Variants in SESN1 observed in about 807,000 individuals in gnomAD.
SESN1 encodes sestrin 1.
Under a neutral mutation model 59.3 loss-of-function variants are expected in SESN1, and 30 were observed. The observed-to-expected ratio is 0.51, with a 90% CI of 0.38 to 0.69. The LOEUF (loss-of-function observed/expected upper bound fraction) is 0.69. Among genes scored for constraint, SESN1 ranks in the 30% least tolerant of loss-of-function variants. The pLI, the probability that SESN1 is intolerant of heterozygous loss-of-function variation, is 0.00. For missense variants in SESN1, 566 were observed against 673.0 expected, an observed-to-expected ratio of 0.84 and a Z score of 1.76; for synonymous variants, 197 against 219.9, an observed-to-expected ratio of 0.90 and a Z score of 0.92.
At chr6:109,013,692 G>A (rs1779893359) in intron 1 of SESN1, among the ~76,000 whole-genome samples, 1 of 152,196 alleles carries the variant, frequency 6.6e-6, no homozygotes, top group Non-Finnish European at 1.5e-5. Flanking sequence ...AAAACATACA[G>A]TAATGGTTTT....
intron 8 of SESN1, among the ~76,000 whole-genome samples, chr6:108,990,112 T>C (rs1779337683): frequency 6.6e-6 from 1 of 152,196 alleles, no homozygotes; most frequent in South Asian, 2.1e-4. Context: ...TTTGTGTGCA[T>C]GTGTGAGAAG....
At chr6:109,027,916 G>C (rs1013973322) in intron 1 of SESN1, among the ~76,000 whole-genome samples, 2 of 151,826 alleles carry the variant, frequency 1.3e-5, no homozygotes, top group Non-Finnish European at 2.9e-5. Flanking sequence ...ATTTTTTATT[G>C]GGTTGGTTAT....
chr6:109,002,103 C>T (rs550800445), intron 2 of SESN1, among the ~76,000 whole-genome samples, 175 bp downstream of exon 2: 1 of 152,272 alleles, frequency 6.6e-6, no homozygotes, highest in East Asian at 1.9e-4. Flanking sequence ...TAGAAATCAA[C>T]ACAAGTACAA....
intron 1 of SESN1, among the ~76,000 whole-genome samples, chr6:109,069,257 A>T (rs976980070): frequency 5.3e-5 from 8 of 151,244 alleles, no homozygotes; most frequent in African/African-American, 1.9e-4. Flanking sequence ...TGATAGGTTT[A>T]AAAAAAAAGT....
intron 1 of SESN1, among the ~76,000 whole-genome samples, chr6:109,017,355 G>C (rs1184198430): frequency 6.6e-6 from 1 of 152,058 alleles, no homozygotes; most frequent in African/African-American, 2.4e-5. Context: ...GTGCAATCTT[G>C]GCTCACTGCA....
At chr6:109,071,769 C>G (rs1316046437) in intron 1 of SESN1, among the ~76,000 whole-genome samples, 1 of 152,150 alleles carries the variant, frequency 6.6e-6, no homozygotes. Context: ...CTCAGAGGCA[C>G]GAGCTAACAT....
rs910363196 is a variant in SESN1, at chr6:108,984,961, C to T, written c.*2583G>A. 3.9e-5 allele frequency among the ~76,000 whole-genome samples: 6 copies of T among 152,082 alleles called. No individual in the cohort carries two copies. Among genetic ancestry groups the T allele is most frequent in the African/African-American group, 7.2e-5 (3 of 41,410 alleles). On this transcript the variant is annotated 3_prime_UTR_variant, in exon 10 of 10. Coordinates refer to ENST00000436639, the MANE Select transcript of SESN1 (RefSeq NM_014454.3). The stretch of plus-strand genomic sequence containing the variant: ...TCTGGCCCATATATTGTTAACTCAG[C>T]GTCTCTGGGAGAATGAGGACGTGGA...
intron 1 of SESN1, among the ~76,000 whole-genome samples, chr6:109,069,696 G>A (rs1285161197): frequency 1.3e-5 from 2 of 151,930 alleles, no homozygotes; most frequent in Non-Finnish European, 2.9e-5. Flanking sequence ...CGTGTACCAC[G>A]ACACATAGCT....
At chr6:109,059,100 CA>C (rs1780687890) in intron 1 of SESN1, among the ~76,000 whole-genome samples, 1 of 151,978 alleles carries the variant, frequency 6.6e-6, no homozygotes. Context: ...ACTTCATACA[CA>C]CACACACACA....
chr6:109,009,382 C>T (rs771298906), intron 1 of SESN1: 12 of 1,468,106 alleles, frequency 8.2e-6, no homozygotes, highest in Non-Finnish European at 9.9e-6. Flanking sequence ...CGGCCCCCGC[C>T]GCACTGCTTG....
chr6:109,005,342 ATTATG>A (rs1441794774), intron 1 of SESN1, among the ~76,000 whole-genome samples: 2 of 152,214 alleles, frequency 1.3e-5, no homozygotes, highest in Non-Finnish European at 2.9e-5. Flanking sequence ...ATATGTATAT[ATTATG>A]TTATCAGTAG....
At position 109,070,111 on chromosome 6, in the gene SESN1, A is replaced by T. The variant is rs114953189; in HGVS notation, c.279+23684T>A. ...TTATTTTTTTAAATGTAGGTAACAGATTCACATTGAACAAAATACTTTCAC... is the reference window on the plus strand; with the variant it reads ...TTATTTTTTTAAATGTAGGTAACAGTTTCACATTGAACAAAATACTTTCAC... On this transcript the variant is annotated intron_variant, in intron 1 of 9. Coordinates refer to ENST00000436639, the MANE Select transcript of SESN1 (RefSeq NM_014454.3). Among the ~76,000 whole-genome samples the T allele has an allele frequency of 7.8e-3, 1,193 of 152,292 alleles. 21 individuals are homozygous for T. The highest frequency in any genetic ancestry group is 0.028 in the African/African-American group (1,144 of 41,554).
intron 1 of SESN1, among the ~76,000 whole-genome samples, chr6:109,016,409 T>C (rs1402631928): frequency 6.6e-6 from 1 of 152,212 alleles, no homozygotes; most frequent in Non-Finnish European, 1.5e-5. Flanking sequence ...TAATCTTTAG[T>C]TGTAGGTCCT....
In SESN1 at chr6:108,998,662, TG is replaced by T. The variant is rs1477619073; in HGVS notation, c.822del (p.Phe274LeufsTer52). The T allele has an allele frequency of 6.2e-7, 1 of 1,613,702 alleles. No individual in the cohort carries two copies. Among genetic ancestry groups the T allele is most frequent in the Non-Finnish European group, 8.5e-7 (1 of 1,179,854 alleles). On this transcript the variant is annotated frameshift_variant, in exon 5 of 10. Transcript: ENST00000436639. LOFTEE classifies it high-confidence loss of function. ...TCTGGACTGATTCCACAGCCGAATG[TG>T]AATGAGGCAAGAGAATGATAGTGTG... ...LLTHYHSLASFTFGCGISPEI... is the reference protein window; with the variant it reads ...LLTHYHSLASXTFGCGISPEI...
At position 108,985,573 on chromosome 6, in the gene SESN1, A is replaced by G. The variant is rs1217854274; in HGVS notation, c.*1971T>C. Among the ~76,000 whole-genome samples, 6 of 152,174 alleles carry G rather than the reference A, an allele frequency of 3.9e-5. No individual in the cohort carries two copies. The highest frequency in any genetic ancestry group is 7.4e-5 in the Non-Finnish European group (5 of 68,010). On this transcript the variant is annotated 3_prime_UTR_variant, in exon 10 of 10. Transcript: ENST00000436639. ...CACTTTTATTACTTTAGGTATAAACATATTTTTTAACTCATTAAAATTTTG... is the reference window on the plus strand; with the variant it reads ...CACTTTTATTACTTTAGGTATAAACGTATTTTTTAACTCATTAAAATTTTG...
intron 1 of SESN1, among the ~76,000 whole-genome samples, chr6:109,043,123 T>C (rs1171083291): frequency 6.6e-6 from 1 of 152,130 alleles, no homozygotes; most frequent in East Asian, 1.9e-4. Flanking sequence ...CAGAAAAACA[T>C]TTGAGTAAAT....
In SESN1 at chr6:109,000,146, G is replaced by C. The variant is rs189952904; in HGVS notation, c.729+345C>G. The C allele has an allele frequency of 3.9e-3, 634 of 164,240 alleles. 4 individuals carry two copies. Among genetic ancestry groups the C allele is most frequent in the African/African-American group, 0.014 (604 of 42,096 alleles). The allele number at this position is 164,240 out of a possible 1,614,324, so 10.2% of individuals were successfully genotyped here. On this transcript the variant is annotated intron_variant, in intron 4 of 9. Transcript: ENST00000436639. Reference sequence around the variant, plus strand: ...GCAGGGGTTTAGGGGAAGGGGAAAGGGGGGGAAAGGGATGAACAGGTGGAA... The same window carrying C: ...GCAGGGGTTTAGGGGAAGGGGAAAGCGGGGGAAAGGGATGAACAGGTGGAA...
chr6:109,010,213 A>G (rs948438300), intron 1 of SESN1, among the ~76,000 whole-genome samples: 1 of 152,150 alleles, frequency 6.6e-6, no homozygotes, highest in African/African-American at 2.4e-5. Flanking sequence ...CCTGGGTTAT[A>G]AAGACAGAAT....
At chr6:109,004,058 CAA>C (rs1182125807) in intron 1 of SESN1, among the ~76,000 whole-genome samples, 71 of 152,002 alleles carry the variant, frequency 4.7e-4, no homozygotes, top group Non-Finnish European at 1.0e-4. Flanking sequence ...AATTATTCAA[CAA>C]ATGATCTTGG....
Sources: allele counts gnomAD v4.1 joint callset (sites outside exome capture counted in the v4.1 genomes callset), GRCh38; gene constraint gnomAD v4.1.1; transcripts MANE v1.5; gene names NCBI Gene and HGNC (gene_info 2026-07-23, HGNC 2026-07-21).